Variants in ACOT7 observed in about 807,000 individuals in gnomAD.
ACOT7 encodes the protein cytosolic acyl coenzyme A thioester hydrolase.
A neutral mutation model predicts 40.2 loss-of-function variants in ACOT7; 12 were observed. The ratio of observed to expected loss-of-function variants is 0.30; its 90% CI spans 0.19 to 0.48. The LOEUF is 0.48. Among genes scored for constraint, ACOT7 ranks in the 20% least tolerant of loss-of-function variants. The pLI is 0.99. For synonymous variants in ACOT7, 228 were observed against 219.5 expected (o/e 1.04, Z -0.34); for missense variants, 395 against 530.8 (o/e 0.74, Z 2.51).
chr1:6,375,439 G>A (rs1642210466), intron 1 of ACOT7, among the ~76,000 whole-genome samples: 1 of 152,008 alleles, frequency 6.6e-6, no homozygotes, highest in Non-Finnish European at 1.5e-5. Flanking sequence ...AGGTAGACGC[G>A]GGCGGATCAC....
In ACOT7 at chr1:6,306,722, G is replaced by A. The variant is rs1469840463; in HGVS notation, c.713-11742C>T. 1 of 1,226,292 alleles carries A rather than the reference G, an allele frequency of 8.2e-7. No homozygotes were observed. Among genetic ancestry groups the A allele is most frequent in the Non-Finnish European group, 1.0e-6 (1 of 954,558 alleles). The allele number at this position is 1,226,292 out of a possible 1,614,324, so 76.0% of individuals were successfully genotyped here. On this transcript the variant is annotated intron_variant, in intron 6 of 8. Transcript: ENST00000361521. This position sits in a 1 kb window ranked among gnomAD's most constrained non-coding sequence, Gnocchi z 4.3. The stretch of plus-strand genomic sequence containing the variant: ...TAGACCAGAAGTTCCTCAAGAGTAG[G>A]GAACAGCTCTTCGTCCACCTTTTTC...
At position 6,268,448 on chromosome 1, in the gene ACOT7, A is replaced by G. The variant is rs1455613344; in HGVS notation, c.1015-3753T>C. Among the ~76,000 whole-genome samples the G allele has an allele frequency of 2.6e-5, 4 of 152,220 alleles. No individual in the cohort carries two copies. The East Asian group carries it at 7.7e-4, about 29-fold the overall frequency. On this transcript the variant is annotated intron_variant, in intron 8 of 8. Transcript: ENST00000361521. ...ACTAACTAGACCTAGATCTAGGAAA[A>G]CCAGCCCCTCCTTTCTTCCCTAGGC...
rs1350400690 is a variant in ACOT7, at chr1:6,358,494, G to A, written c.144-8628C>T. Among the ~76,000 whole-genome samples the A allele has an allele frequency of 6.6e-6, 1 of 152,240 alleles. No individual in the cohort carries two copies. The highest frequency in any genetic ancestry group is 1.5e-5 in the Non-Finnish European group (1 of 68,042). The stretch of plus-strand genomic sequence containing the variant: ...ACCCAGCCCAGCTGAAGGGAGCAGA[G>A]GGAAGCCACAGGAGCAAGGCTGGAA... On this transcript the variant is annotated intron_variant, in intron 1 of 8. Transcript: ENST00000361521. The surrounding 1 kb of genome is among the most constrained non-coding windows in gnomAD (Gnocchi z 4.1).
intron 1 of ACOT7, among the ~76,000 whole-genome samples, chr1:6,354,591 AG>A (rs1641686468): frequency 6.6e-6 from 1 of 152,004 alleles, no homozygotes; most frequent in South Asian, 2.1e-4. Context: ...CTGTTTGGGG[AG>A]GTCACCTCCC....
At chr1:6,276,689 C>T (rs1184342261) in intron 8 of ACOT7, among the ~76,000 whole-genome samples, 2 of 152,052 alleles carry the variant, frequency 1.3e-5, no homozygotes, top group African/African-American at 4.8e-5. Flanking sequence ...CACACGTGCT[C>T]CCAGCCCAGA....
intron 2 of ACOT7, among the ~76,000 whole-genome samples, chr1:6,343,380 G>A (rs1641327998): frequency 6.6e-6 from 1 of 152,250 alleles, no homozygotes; most frequent in African/African-American, 2.4e-5. Context: ...GCCTCTGTCT[G>A]AGCCCTTTCC....
At chr1:6,389,224 G>A (rs1165908842) in intron 1 of ACOT7, among the ~76,000 whole-genome samples, 1 of 152,072 alleles carries the variant, frequency 6.6e-6, no homozygotes, top group African/African-American at 2.4e-5. Context: ...CACAATTCCT[G>A]ATCTCAGGAA....
intron 1 of ACOT7, among the ~76,000 whole-genome samples, chr1:6,387,259 C>T (rs1362254314): frequency 6.6e-6 from 1 of 152,116 alleles, no homozygotes; most frequent in Non-Finnish European, 1.5e-5. Flanking sequence ...CTCATCAAAA[C>T]TCAGCAAACT....
Position 6,294,279 on chromosome 1 carries a change from C to T in ACOT7, c.829+585G>A, listed in dbSNP as rs1424981502. ...CATAAGACAAGCATGGTGACCTCTG[C>T]TCATACAAACTGCAGAGGCCTGGCC... On this transcript the variant is annotated intron_variant, in intron 7 of 8. Transcript: ENST00000361521. This position sits in a 1 kb window ranked among gnomAD's most constrained non-coding sequence, Gnocchi z 4.6. Among the ~76,000 whole-genome samples, 1 of 152,254 alleles carries T rather than the reference C, an allele frequency of 6.6e-6. No individual in the cohort carries two copies. The highest frequency in any genetic ancestry group is 1.5e-5 in the Non-Finnish European group (1 of 68,050).
intron 1 of ACOT7, among the ~76,000 whole-genome samples, chr1:6,371,170 A>T (rs1642126749): frequency 6.6e-6 from 1 of 152,208 alleles, no homozygotes; most frequent in Admixed American, 6.6e-5. Context: ...GGCAGGCTTA[A>T]AAATATTCAG....
At chr1:6,296,324 C>G (rs1166336011) in intron 6 of ACOT7, among the ~76,000 whole-genome samples, 2 of 152,236 alleles carry the variant, frequency 1.3e-5, no homozygotes, top group Admixed American at 6.5e-5. Context: ...CGCTTTTACT[C>G]AGTCTCTCTT....
intron 1 of ACOT7, among the ~76,000 whole-genome samples, chr1:6,375,886 C>T (rs1009467801): frequency 3.3e-5 from 5 of 150,262 alleles, no homozygotes; most frequent in East Asian, 2.0e-4. Context: ...TGCAGTGAGC[C>T]GAGATTGTGC....
rs897358473 is a variant in ACOT7, at chr1:6,359,855, G to A, written c.144-9989C>T. Among the ~76,000 whole-genome samples, 1 of 152,168 alleles carries A rather than the reference G, an allele frequency of 6.6e-6. No homozygotes were observed. Among genetic ancestry groups the A allele is most frequent in the Non-Finnish European group, 1.5e-5 (1 of 68,046 alleles). The stretch of plus-strand genomic sequence containing the variant: ...ACCAGGCTGCACCCGCCGGCCTCTG[G>A]GCAAGTTTCACATGTTTAGTTGTGA... On this transcript the variant is annotated intron_variant, in intron 1 of 8. Coordinates refer to ENST00000361521, the MANE Select transcript of ACOT7 (RefSeq NM_007274.4). This position sits in a 1 kb window ranked among gnomAD's most constrained non-coding sequence, Gnocchi z 4.1.
chr1:6,271,315 A>C (rs576533524), intron 8 of ACOT7, among the ~76,000 whole-genome samples: 1 of 152,342 alleles, frequency 6.6e-6, no homozygotes, highest in African/African-American at 2.4e-5. Context: ...AAGGGTTTCC[A>C]GTGGTGATAT....
intron 6 of ACOT7, among the ~76,000 whole-genome samples, chr1:6,296,171 A>G (rs555867325): frequency 6.6e-6 from 1 of 152,216 alleles, no homozygotes; most frequent in African/African-American, 2.4e-5. Flanking sequence ...CTGGGATTAC[A>G]GTCGTGCTAC....
At chr1:6,265,576 G>T (rs992482548) in intron 8 of ACOT7, among the ~76,000 whole-genome samples, 1 of 151,428 alleles carries the variant, frequency 6.6e-6, no homozygotes, top group Admixed American at 6.6e-5. Context: ...GTTCATGCCT[G>T]TCGACGGGCT....
At chr1:6,290,300 G>T (rs1199390507) in intron 7 of ACOT7, among the ~76,000 whole-genome samples, 1 of 152,248 alleles carries the variant, frequency 6.6e-6, no homozygotes, top group Non-Finnish European at 1.5e-5. Flanking sequence ...GTATGGAAAT[G>T]TTACAGCAGC....
In ACOT7 at chr1:6,311,177, A is replaced by T. The variant is rs1381994019; in HGVS notation, c.712+7315T>A. Among the ~76,000 whole-genome samples the T allele has an allele frequency of 6.6e-6, 1 of 152,208 alleles. No individual in the cohort carries two copies. The highest frequency in any genetic ancestry group is 6.5e-5 in the Admixed American group (1 of 15,284). ...CATGGGAGCTGAGCAAGCTCTCCCG[A>T]TGAGGATACCCACCTTGACTTCTGT... On this transcript the variant is annotated intron_variant, in intron 6 of 8. Coordinates refer to ENST00000361521, the MANE Select transcript of ACOT7 (RefSeq NM_007274.4). The surrounding 1 kb of genome is among the most constrained non-coding windows in gnomAD (Gnocchi z 5.2).
intron 6 of ACOT7, among the ~76,000 whole-genome samples, chr1:6,312,041 G>A (rs941413214): frequency 1.3e-5 from 2 of 152,174 alleles, no homozygotes; most frequent in African/African-American, 4.8e-5. Flanking sequence ...AAGTGGAGGA[G>A]ACATACAGAC....
Sources: gnomAD v4.1 joint callset for allele counts (sites outside exome capture counted in the v4.1 genomes callset) on GRCh38, gnomAD v4.1.1 for gene constraint, Gnocchi (gnomAD v3.1) non-coding constraint, MANE v1.5 for transcripts, NCBI Gene and HGNC (gene_info 2026-07-23, HGNC 2026-07-21) for gene names.